PPARD: variants seen among roughly 807,000 people sequenced by gnomAD.
PPARD encodes the protein peroxisome proliferator-activated receptor delta.
PPARD carries 6 observed loss-of-function variants against 39.5 expected under a neutral mutation model. The ratio of observed to expected loss-of-function variants is 0.15; its 90% CI spans 0.08 to 0.30. The LOEUF (loss-of-function observed/expected upper bound fraction) is 0.30. Ranked by LOEUF, PPARD falls within the 10% of genes least tolerant of loss-of-function variation. The pLI, the probability that PPARD is intolerant of heterozygous loss-of-function variation, is 1.00. For missense variants in PPARD, 397 were observed against 596.8 expected (o/e 0.67, Z 3.49); for synonymous variants, 210 against 231.3 (o/e 0.91, Z 0.83).
intron 2 of PPARD, among the ~76,000 whole-genome samples, chr6:35,380,952 C>T (rs929466327): frequency 1.4e-4 from 22 of 152,202 alleles, no homozygotes; most frequent in Non-Finnish European, 3.2e-4. Context: ...ACTTCTCTTT[C>T]TCCTCTCTCC....
intron 2 of PPARD, among the ~76,000 whole-genome samples, chr6:35,392,813 C>G (rs908257180): frequency 2.6e-5 from 4 of 152,162 alleles, no homozygotes; most frequent in Non-Finnish European, 5.9e-5. Flanking sequence ...TGTCATCTTC[C>G]AGTTAGCAGC....
rs1765472682 is a variant in PPARD, at chr6:35,412,145, G to A, written c.130+928G>A. Among the ~76,000 whole-genome samples, 1 of 152,062 alleles carries A rather than the reference G, an allele frequency of 6.6e-6. No homozygotes were observed. The highest frequency in any genetic ancestry group is 1.5e-5 in the Non-Finnish European group (1 of 68,018). On this transcript the variant is annotated intron_variant, in intron 3 of 7. Coordinates refer to ENST00000360694, the MANE Select transcript of PPARD (RefSeq NM_006238.5). The surrounding 1 kb of genome is among the most constrained non-coding windows in gnomAD (Gnocchi z 4.1). ...GGGGTTTCACCATGTTGGCCAGGCT[G>A]GTCTCGAACCGCTGGGCTCAAGCAA...
At chr6:35,394,473 G>T (rs1368111553) in intron 2 of PPARD, among the ~76,000 whole-genome samples, 2 of 152,054 alleles carry the variant, frequency 1.3e-5, no homozygotes, top group Non-Finnish European at 2.9e-5. Flanking sequence ...AGAAAATGTA[G>T]AAAAATCAGA....
rs1766525957 is a variant in PPARD at position 35,425,709 on chromosome 6, C to T, written c.1079-123C>T. ...ACCCAGTGGAGCATTGCTGATGGGA[C>T]AGGGCTTGGTCTGTCACGGCCAAGG... On this transcript the variant is annotated intron_variant, in intron 7 of 7. Coordinates refer to ENST00000360694, the MANE Select transcript of PPARD (RefSeq NM_006238.5). The surrounding 1 kb of genome is among the most constrained non-coding windows in gnomAD (Gnocchi z 4.5). 7.2e-7 allele frequency: 1 copy of T among 1,389,706 alleles called. No homozygotes were observed. The highest frequency in any genetic ancestry group is 9.8e-7 in the Non-Finnish European group (1 of 1,019,090). 86.1% of individuals were successfully genotyped at this position (1,389,706 alleles called of 1,614,324 possible). A position where few individuals can be genotyped will look rare whatever the true frequency, so the allele number is the denominator to read the frequency against.
At chr6:35,353,302 G>T (rs1029694361) in intron 2 of PPARD, among the ~76,000 whole-genome samples, 2 of 152,152 alleles carry the variant, frequency 1.3e-5, no homozygotes, top group African/African-American at 4.8e-5. Context: ...GACTGCAGTG[G>T]TCTAAATGTA....
chr6:35,389,029 A>C (rs1027583354), intron 2 of PPARD, among the ~76,000 whole-genome samples: 1 of 151,956 alleles, frequency 6.6e-6, no homozygotes, highest in Non-Finnish European at 1.5e-5. Context: ...AGAGTGGTTT[A>C]CAGCCAGGCA....
chr6:35,411,824 C>G (rs1047731364), intron 3 of PPARD, among the ~76,000 whole-genome samples: 2 of 152,200 alleles, frequency 1.3e-5, no homozygotes, highest in African/African-American at 4.8e-5. Context: ...CTCTAGTACC[C>G]TGTACTGTTC....
chr6:35,390,172 A>G (rs1763928556), intron 2 of PPARD, among the ~76,000 whole-genome samples: 1 of 152,196 alleles, frequency 6.6e-6, no homozygotes, highest in South Asian at 2.1e-4. Context: ...CAGCTAGAAG[A>G]AAGGGCCATT....
chr6:35,391,747 C>T (rs1764014227), intron 2 of PPARD, among the ~76,000 whole-genome samples: 2 of 152,190 alleles, frequency 1.3e-5, no homozygotes, highest in Non-Finnish European at 2.9e-5. Context: ...CCAAGCTCTA[C>T]AGCCATCTCT....
rs1159725752 is a variant in PPARD at position 35,412,494 on chromosome 6, A to G, written c.130+1277A>G. Among the ~76,000 whole-genome samples, 3 of 152,204 alleles carry G rather than the reference A, an allele frequency of 2.0e-5. No homozygotes were observed. Among genetic ancestry groups the G allele is most frequent in the African/African-American group, 7.2e-5 (3 of 41,466 alleles). On this transcript the variant is annotated intron_variant, in intron 3 of 7. Coordinates refer to ENST00000360694, the MANE Select transcript of PPARD (RefSeq NM_006238.5). This position sits in a 1 kb window ranked among gnomAD's most constrained non-coding sequence, Gnocchi z 4.1. ...GTGACTGCATGGAGCAGGAGGAGGC[A>G]GTTAGTGTCCAAGCTAAGGCAGGGT...
chr6:35,381,132 TAAAAC>T (rs1763131053), intron 2 of PPARD, among the ~76,000 whole-genome samples: 1 of 151,996 alleles, frequency 6.6e-6, no homozygotes, highest in African/African-American at 2.4e-5. Flanking sequence ...TTCAGAGACT[TAAAAC>T]CAGCCAGTGG....
intron 2 of PPARD, among the ~76,000 whole-genome samples, chr6:35,390,495 A>G (rs532140886): frequency 5.9e-5 from 9 of 152,284 alleles, no homozygotes; most frequent in Non-Finnish European, 1.2e-4. Context: ...GTACTTCCAA[A>G]TTCCCAACAG....
intron 2 of PPARD, among the ~76,000 whole-genome samples, chr6:35,367,271 TATAA>T (rs1270091554): frequency 6.6e-6 from 1 of 152,138 alleles, no homozygotes; most frequent in African/African-American, 2.4e-5. Context: ...ATAGGGCGAG[TATAA>T]ATAGTTCCTG....
chr6:35,410,915 G>A (rs758638026), intron 2 of PPARD, 72 bp from the exon 3 acceptor site: 98 of 1,251,256 alleles, frequency 7.8e-5, no homozygotes, highest in Admixed American at 2.9e-4. Flanking sequence ...GCCCCCAAGC[G>A]TGCCCCACTC....
chr6:35,388,228 A>G (rs1245769285), intron 2 of PPARD, among the ~76,000 whole-genome samples: 1 of 152,098 alleles, frequency 6.6e-6, no homozygotes, highest in Admixed American at 6.5e-5. Flanking sequence ...TTTAATGCAG[A>G]CTAAAACAGG....
Position 35,424,041 on chromosome 6 carries a change from G to T in PPARD, c.520G>T (p.Asp174Tyr). 1.2e-6 allele frequency: 2 copies of T among 1,614,184 alleles called. No individual in the cohort carries two copies. Among genetic ancestry groups the T allele is most frequent in the South Asian group, 2.2e-5 (2 of 91,082 alleles). Residue 174 changes from aspartate (D) to tyrosine (Y), a missense_variant, in exon 6 of 8, where the codon GAC (aspartate) becomes TAC (tyrosine). Transcript: ENST00000360694. The surrounding 1 kb of genome is among the most constrained non-coding windows in gnomAD (Gnocchi z 7.1). The part of the protein sequence containing the change: ...EGSQYNPQVA[D>Y]LKAFSKHIYN... ...GAGCCAGTACAACCCACAGGTGGCC[G>T]ACCTGAAGGCCTTCTCCAAGCACAT...
intron 2 of PPARD, among the ~76,000 whole-genome samples, chr6:35,356,582 A>G (rs941778256): frequency 1.3e-5 from 2 of 152,138 alleles, no homozygotes; most frequent in Admixed American, 1.3e-4. Flanking sequence ...TAGCACTGTA[A>G]ACATGTTGGG....
At chr6:35,354,535 G>A (rs1359882427) in intron 2 of PPARD, among the ~76,000 whole-genome samples, 1 of 151,972 alleles carries the variant, frequency 6.6e-6, no homozygotes, top group Non-Finnish European at 1.5e-5. Flanking sequence ...TCCTGACCAG[G>A]TGACCTGCCC....
intron 2 of PPARD, among the ~76,000 whole-genome samples, chr6:35,392,150 C>T (rs1203343473): frequency 6.6e-6 from 1 of 152,030 alleles, no homozygotes; most frequent in Non-Finnish European, 1.5e-5. Context: ...GTGCCAGCAC[C>T]AGGTATATGC....
Sources: gnomAD v4.1 joint callset for allele counts (sites outside exome capture counted in the v4.1 genomes callset) on GRCh38, gnomAD v4.1.1 for gene constraint, Gnocchi (gnomAD v3.1) non-coding constraint, MANE v1.5 for transcripts, NCBI Gene and HGNC (gene_info 2026-07-23, HGNC 2026-07-21) for gene names.